Variants in SNRPG observed in about 807,000 individuals in gnomAD.
SNRPG encodes the protein small nuclear ribonucleoprotein polypeptide G, also known as small nuclear ribonucleoprotein G.
A neutral mutation model predicts 13.9 loss-of-function variants in SNRPG; 3 were observed. The observed-to-expected ratio is 0.22, with a 90% CI of 0.10 to 0.56. The LOEUF (loss-of-function observed/expected upper bound fraction) is 0.56. Ranked by LOEUF, SNRPG falls within the 20% of genes least tolerant of loss-of-function variation. The pLI is 0.93. For missense variants in SNRPG, 34 were observed against 96.1 expected, an observed-to-expected ratio of 0.35 and a Z score of 2.70; for synonymous variants, 29 against 29.3, an observed-to-expected ratio of 0.99 and a Z score of 0.03.
intron 3 of SNRPG, 51 bp downstream of exon 3, chr2:70,288,017 A>T: frequency 6.4e-7 from 1 of 1,569,832 alleles, no homozygotes; most frequent in South Asian, 1.1e-5. Flanking sequence ...GTTAATACAC[A>T]TTCCAAAAGA....
At chr2:70,281,734 T>G (rs773884028) in intron 3 of SNRPG, 50 bp from the exon 4 acceptor site, 1 of 964,746 alleles carries the variant, frequency 1.0e-6, no homozygotes, top group Admixed American at 2.2e-5. Flanking sequence ...GTAACAGACA[T>G]AACTATGATG....
At chr2:70,287,998 A>G in intron 3 of SNRPG, 70 bp downstream of exon 3, 1 of 1,461,500 alleles carries the variant, frequency 6.8e-7, no homozygotes, top group South Asian at 1.1e-5. Context: ...GGGGTTACTA[A>G]CCAGGAAAGT....
chr2:70,286,762 A>C (rs1264000069), intron 3 of SNRPG, among the ~76,000 whole-genome samples: 2 of 152,224 alleles, frequency 1.3e-5, no homozygotes, highest in East Asian at 1.9e-4. Flanking sequence ...ATAATTCTCT[A>C]ATCTTCTCAA....
chr2:70,292,538 G>C (rs1697126729), intron 1 of SNRPG: 1 of 153,700 alleles, frequency 6.5e-6, no homozygotes, highest in South Asian at 2.0e-4. Context: ...AGTAGAGACG[G>C]GGGTTTCACC....
rs1237903174 is a variant in SNRPG at position 70,289,107 on chromosome 2, C to T, written c.55+243G>A. ...CTGGGACTACAGGCGCCCGCCACTGCACCCGGCTAATTTTTTTTTGTATTT... is the reference window on the plus strand; with the variant it reads ...CTGGGACTACAGGCGCCCGCCACTGTACCCGGCTAATTTTTTTTTGTATTT... On this transcript the variant is annotated intron_variant, in intron 2 of 3. Transcript: ENST00000272348. Among the ~76,000 whole-genome samples the T allele has an allele frequency of 2.0e-5, 3 of 152,130 alleles. No homozygotes were observed. The East Asian group carries it at 5.8e-4, about 29-fold the overall frequency.
intron 3 of SNRPG, among the ~76,000 whole-genome samples, chr2:70,283,353 A>G (rs1390906138): frequency 1.3e-5 from 2 of 152,058 alleles, no homozygotes; most frequent in Non-Finnish European, 2.9e-5. Context: ...AGAATAGGTA[A>G]TGTAGGGGAG....
intron 3 of SNRPG, among the ~76,000 whole-genome samples, chr2:70,282,950 C>T (rs35375650): frequency 0.011 from 1,682 of 151,658 alleles, 9 homozygotes; most frequent in Non-Finnish European, 0.02. Flanking sequence ...AAAAATTAGC[C>T]GGGTGTGGTG....
intron 3 of SNRPG, among the ~76,000 whole-genome samples, chr2:70,284,960 T>C (rs1696903118): frequency 6.6e-6 from 1 of 152,230 alleles, no homozygotes; most frequent in African/African-American, 2.4e-5. Flanking sequence ...TACCTCATAC[T>C]GTCCCTGGAT....
intron 1 of SNRPG, among the ~76,000 whole-genome samples, chr2:70,291,646 G>A (rs1406973540): frequency 1.3e-5 from 2 of 152,122 alleles, no homozygotes; most frequent in Non-Finnish European, 2.9e-5. Context: ...CTATCTGTGA[G>A]AAAGCAGAGG....
Position 70,288,741 on chromosome 2 carries a change from A to G in SNRPG, c.56-549T>C, listed in dbSNP as rs76001840. On this transcript the variant is annotated intron_variant, in intron 2 of 3. Coordinates refer to ENST00000272348, the MANE Select transcript of SNRPG (RefSeq NM_003096.4). ...TTCCTACATATTCCCAAGAAACAAG[A>G]TAACTGTTCCTTGTCTAAGTCCTTT... 2.7e-3 allele frequency among the ~76,000 whole-genome samples: 407 copies of G among 152,344 alleles called. 2 individuals carry two copies. The highest frequency in any genetic ancestry group is 9.4e-3 in the African/African-American group (392 of 41,584).
At chr2:70,289,254 CT>C in intron 2 of SNRPG, 95 bp downstream of exon 2, 1 of 777,532 alleles carries the variant, frequency 1.3e-6, no homozygotes, top group Non-Finnish European at 2.1e-6. Flanking sequence ...CGCCTGGCTG[CT>C]TTAAATTTTT....
At position 70,293,670 on chromosome 2, in the gene SNRPG, A is replaced by C. The variant is rs766441729; in HGVS notation, c.-21T>G. 1 of 1,613,628 alleles carries C rather than the reference A, an allele frequency of 6.2e-7. No homozygotes were observed. Reference sequence around the variant, plus strand: ...CTCATGGTGTATACTCCGCGGGCTCACAGATGCCTTGGAACGCAACGCACG... The same window carrying C: ...CTCATGGTGTATACTCCGCGGGCTCCCAGATGCCTTGGAACGCAACGCACG... On this transcript the variant is annotated 5_prime_UTR_variant, in exon 1 of 4. Coordinates refer to ENST00000272348, the MANE Select transcript of SNRPG (RefSeq NM_003096.4).
At chr2:70,284,676 A>C (rs979201047) in intron 3 of SNRPG, among the ~76,000 whole-genome samples, 3 of 152,072 alleles carry the variant, frequency 2.0e-5, no homozygotes, top group Admixed American at 2.0e-4. Flanking sequence ...GAGCCACTGT[A>C]CCTGGCCAGT....
chr2:70,281,774 GT>G, intron 3 of SNRPG, 90 bp from the exon 4 acceptor site: 1 of 699,324 alleles, frequency 1.4e-6, no homozygotes. Context: ...ATCATTAATG[GT>G]TTTTTAATAT....
chr2:70,287,276 G>C, intron 3 of SNRPG: 1 of 701,772 alleles, frequency 1.4e-6, no homozygotes, highest in Middle Eastern at 2.3e-4. Context: ...ACTCCTTGGA[G>C]GTCTTTATGC....
Position 70,281,485 on chromosome 2 carries a change from C to T in SNRPG, c.*149G>A, listed in dbSNP as rs1210047149. 2.2e-6 allele frequency: 1 copy of T among 454,660 alleles called. No homozygotes were observed. Among genetic ancestry groups the T allele is most frequent in the African/African-American group, 2.0e-5 (1 of 48,988 alleles). The allele number at this position is 454,660 out of a possible 1,614,324, so 28.2% of individuals were successfully genotyped here. A position where few individuals can be genotyped will look rare whatever the true frequency, so the allele number is the denominator to read the frequency against. On this transcript the variant is annotated 3_prime_UTR_variant, in exon 4 of 4. Transcript: ENST00000272348. ...GGAATGAGAGCTGATATTCTATATT[C>T]AGAACATCTGAGAAAGCATTTTTGA...
intron 3 of SNRPG, among the ~76,000 whole-genome samples, chr2:70,281,988 C>T (rs920915540): frequency 2.0e-5 from 3 of 152,098 alleles, no homozygotes; most frequent in South Asian, 2.1e-4. Context: ...GGCGCAATCT[C>T]GGCTCACTGC....
intron 3 of SNRPG, among the ~76,000 whole-genome samples, chr2:70,283,699 A>G (rs1244492421): frequency 2.0e-5 from 3 of 152,202 alleles, no homozygotes; most frequent in African/African-American, 4.8e-5. Context: ...AATTGGTAGG[A>G]TAAGTGTCTT....
chr2:70,282,271 A>G (rs1325421937), intron 3 of SNRPG, among the ~76,000 whole-genome samples: 1 of 152,104 alleles, frequency 6.6e-6, no homozygotes, highest in Non-Finnish European at 1.5e-5. Flanking sequence ...CCCTGACTCT[A>G]TGGGATCCAA....
Sources: gnomAD v4.1 joint callset for allele counts (sites outside exome capture counted in the v4.1 genomes callset) on GRCh38, gnomAD v4.1.1 for gene constraint, MANE v1.5 for transcripts, NCBI Gene and HGNC (gene_info 2026-07-23, HGNC 2026-07-21) for gene names.